Variants in ANKAR observed in about 807,000 individuals in gnomAD.
ANKAR encodes ankyrin and armadillo repeat containing, also known as ankyrin and armadillo repeat-containing protein.
Under a neutral mutation model 146.2 loss-of-function variants are expected in ANKAR, and 136 were observed. That is an observed-to-expected ratio of 0.93 (90% CI 0.81 to 1.07). The LOEUF is 1.07. Ranked by LOEUF, ANKAR falls within the 50% of genes least tolerant of loss-of-function variation. ANKAR has a pLI of 0.00. For synonymous variants in ANKAR, 500 were observed against 575.8 expected (o/e 0.87, Z 1.88); for missense variants, 1,567 against 1,679.9 (o/e 0.93, Z 1.18).
intron 2 of ANKAR, among the ~76,000 whole-genome samples, chr2:189,677,578 T>C (rs2033923448): frequency 6.6e-6 from 1 of 152,194 alleles, no homozygotes; most frequent in African/African-American, 2.4e-5. Context: ...CTTAGAATAA[T>C]GGTCTCCAAC....
At chr2:189,761,784 A>G (rs923443564), downstream of ANKAR, 7 of 916,526 alleles carry the variant, frequency 7.6e-6, no homozygotes, top group African/African-American at 1.2e-4. Context: ...TGTAAAGGCT[A>G]TAGCAACATG....
At chr2:189,762,819 C>G, downstream of ANKAR, 1 of 985,476 alleles carries the variant, frequency 1.0e-6, no homozygotes, top group Non-Finnish European at 1.2e-6. Context: ...AAGGTCCCGT[C>G]CAGAGCTGGC....
chr2:189,718,416 A>G (rs964168226), intron 10 of ANKAR, among the ~76,000 whole-genome samples: 19 of 152,194 alleles, frequency 1.2e-4, no homozygotes, highest in Admixed American at 6.5e-5. Flanking sequence ...CTATTTGAAA[A>G]TGTCCAATAT....
chr2:189,757,565 T>C (rs1389090732), intron 18 of ANKAR, among the ~76,000 whole-genome samples: 2 of 152,232 alleles, frequency 1.3e-5, no homozygotes, highest in Non-Finnish European at 2.9e-5. Flanking sequence ...GTGGTCATTA[T>C]TATCATTTTA....
chr2:189,743,727 G>A (rs1294908638), intron 21 of ANKAR, among the ~76,000 whole-genome samples: 3 of 152,144 alleles, frequency 2.0e-5, no homozygotes, highest in African/African-American at 7.2e-5. Context: ...TCACATTTTA[G>A]AAAGTTTTGG....
chr2:189,689,150 T>C lies in ANKAR; in HGVS notation c.602-377T>C, dbSNP rs191651682. ...CTGGCATGGCCCTAGGTTTTCTTTA[T>C]AGTTTGGTATCTTATTGCCACAAAG... is the stretch of plus-strand genomic sequence containing the variant. On this transcript the variant is annotated intron_variant, in intron 2 of 22. Coordinates refer to ENST00000684021, the MANE Select transcript of ANKAR (RefSeq NM_001378068.1). 3.5e-4 allele frequency among the ~76,000 whole-genome samples: 54 copies of C among 152,304 alleles called. No homozygotes were observed. The East Asian group carries it at 0.01, about 29-fold the overall frequency.
At chr2:189,753,911 C>T in intron 18 of ANKAR, 2 of 1,611,744 alleles carry the variant, frequency 1.2e-6, no homozygotes, top group Non-Finnish European at 1.7e-6. Context: ...TGAGATAAAA[C>T]TTACCAGTAC....
At chr2:189,677,920 A>G (rs1559048460) in intron 2 of ANKAR, among the ~76,000 whole-genome samples, 1 of 152,122 alleles carries the variant, frequency 6.6e-6, no homozygotes, top group East Asian at 1.9e-4. Flanking sequence ...TGTCTTTTTC[A>G]TATAGTGACT....
chr2:189,707,716 G>C (rs2039144653), intron 9 of ANKAR, among the ~76,000 whole-genome samples: 1 of 150,558 alleles, frequency 6.6e-6, no homozygotes, highest in Admixed American at 6.7e-5. Flanking sequence ...TCCCTTTCAA[G>C]GCCCTCACTA....
chr2:189,743,172 C>T, intron 20 of ANKAR, 103 bp from the exon 21 acceptor site: 4 of 1,118,296 alleles, frequency 3.6e-6, no homozygotes, highest in Non-Finnish European at 5.1e-6. Flanking sequence ...CTTACACTTG[C>T]TCCCTCCCTT....
intron 5 of ANKAR, among the ~76,000 whole-genome samples, chr2:189,694,179 G>T (rs1027713474): frequency 6.6e-6 from 1 of 152,062 alleles, no homozygotes; most frequent in Admixed American, 6.5e-5. Context: ...GAAGTGACCC[G>T]TGATTGCGCC....
chr2:189,710,551 C>G (rs1530143), intron 9 of ANKAR, among the ~76,000 whole-genome samples: 149,798 of 152,328 alleles, frequency 0.98, 73,702 homozygotes, highest in East Asian at 1. Context: ...TGTAATCCTA[C>G]CACTTTGGGA....
At chr2:189,709,971 A>G (rs1041430862) in intron 9 of ANKAR, among the ~76,000 whole-genome samples, 3 of 152,196 alleles carry the variant, frequency 2.0e-5, no homozygotes, top group Admixed American at 2.0e-4. Flanking sequence ...AATGACACAA[A>G]CAGAACAAAC....
intron 2 of ANKAR, among the ~76,000 whole-genome samples, chr2:189,680,266 A>G (rs529850403): frequency 6.6e-6 from 1 of 151,990 alleles, no homozygotes; most frequent in East Asian, 1.9e-4. Context: ...GATCTTTTGT[A>G]TTTTGTGGTA....
Position 189,707,163 on chromosome 2 carries a change from T to C in ANKAR, c.2119+17T>C. The C allele has an allele frequency of 7.4e-7, 1 of 1,348,746 alleles. No homozygotes were observed. Among genetic ancestry groups the C allele is most frequent in the Non-Finnish European group, 1.0e-6 (1 of 1,004,442 alleles). 83.5% of individuals were successfully genotyped at this position (1,348,746 alleles called of 1,614,324 possible). A position where few individuals can be genotyped will look rare whatever the true frequency, so the allele number is the denominator to read the frequency against. ...CTTTGGTAGGTGAGTATAATCTCTTTATAAATACATGTTCTGATTATTATT... is the reference window on the plus strand; with the variant it reads ...CTTTGGTAGGTGAGTATAATCTCTTCATAAATACATGTTCTGATTATTATT... On this transcript the variant is annotated intron_variant, in intron 9 of 22. Coordinates refer to ENST00000684021, the MANE Select transcript of ANKAR (RefSeq NM_001378068.1).
chr2:189,677,228 G>A lies in ANKAR; in HGVS notation c.601+137G>A, dbSNP rs1044351533. ...GGCCTCCCAAAGTGCTAGGATTACAGGCATGAGCCGCTGCACCTGGCCACT... is the reference window on the plus strand; with the variant it reads ...GGCCTCCCAAAGTGCTAGGATTACAAGCATGAGCCGCTGCACCTGGCCACT... On this transcript the variant is annotated intron_variant, in intron 2 of 22. Coordinates refer to ENST00000684021, the MANE Select transcript of ANKAR (RefSeq NM_001378068.1). The A allele has an allele frequency of 3.3e-5, 25 of 759,192 alleles. No individual in the cohort carries two copies. The Middle Eastern group carries it at 1.3e-3, about 38-fold the overall frequency. 47.0% of individuals were successfully genotyped at this position (759,192 alleles called of 1,614,324 possible).
Position 189,719,665 on chromosome 2 carries a change from A to G in ANKAR, c.2318A>G (p.Lys773Arg), listed in dbSNP as rs771689472. 1.9e-6 allele frequency: 3 copies of G among 1,614,208 alleles called. No homozygotes were observed. Among genetic ancestry groups the G allele is most frequent in the Admixed American group, 1.7e-5 (1 of 60,032 alleles). Residue 773 changes from lysine (K) to arginine (R), a missense_variant, in exon 11 of 23, where the codon AAA becomes AGA. Lys to Arg is a conservative substitution (Grantham distance 26). Coordinates refer to ENST00000684021, the MANE Select transcript of ANKAR (RefSeq NM_001378068.1). ...TTATTGAGTAATATCTCAACCCACA[A>G]AAGTGCAGTGCATGCTTTGGTAGAA... is the stretch of plus-strand genomic sequence containing the variant. ...VGLLSNISTH[K>R]SAVHALVEAG...
At chr2:189,683,070 T>C (rs958079599) in intron 2 of ANKAR, among the ~76,000 whole-genome samples, 1 of 152,128 alleles carries the variant, frequency 6.6e-6, no homozygotes, top group Admixed American at 6.5e-5. Context: ...AGCTGCCTTG[T>C]CCCTCCCACC....
At chr2:189,754,039 A>G (rs2045689400) in intron 18 of ANKAR, 1 of 1,613,452 alleles carries the variant, frequency 6.2e-7, no homozygotes. Flanking sequence ...CTGCTGCTGA[A>G]GACAGGATTT....
Sources: gnomAD v4.1 joint callset for allele counts (sites outside exome capture counted in the v4.1 genomes callset) on GRCh38, gnomAD v4.1.1 for gene constraint, MANE v1.5 for transcripts, NCBI Gene and HGNC (gene_info 2026-07-23, HGNC 2026-07-21) for gene names.